Variants in PDE4B observed in about 807,000 individuals in gnomAD.
PDE4B encodes the protein phosphodiesterase 4B.
PDE4B carries 20 observed loss-of-function variants against 82.2 expected under a neutral mutation model. The ratio of observed to expected loss-of-function variants is 0.24; its 90% CI spans 0.17 to 0.35. The LOEUF (loss-of-function observed/expected upper bound fraction) is 0.35, where lower values mean the gene tolerates loss of function less well. Ranked by LOEUF, PDE4B falls within the 10% of genes least tolerant of loss-of-function variation. PDE4B has a pLI of 1.00. For synonymous variants in PDE4B, 320 were observed against 318.9 expected, an observed-to-expected ratio of 1.00 and a Z score of -0.04; for missense variants, 655 against 907.2, an observed-to-expected ratio of 0.72 and a Z score of 3.57.
At chr1:66,103,751 C>G (rs2503162) in intron 3 of PDE4B, among the ~76,000 whole-genome samples, 74,913 of 151,912 alleles carry the variant, frequency 0.49, 19,012 homozygotes, top group East Asian at 0.67. Flanking sequence ...TCTGTTGGAA[C>G]TTCTTGGGCT....
At chr1:65,808,196 G>C (rs1645778544) in intron 1 of PDE4B, among the ~76,000 whole-genome samples, 1 of 142,420 alleles carries the variant, frequency 7.0e-6, no homozygotes, top group East Asian at 2.0e-4. Flanking sequence ...TTTTGAAGCA[G>C]ACTCTTGATC....
At chr1:66,183,998 G>T (rs1242519857) in intron 3 of PDE4B, among the ~76,000 whole-genome samples, 1 of 152,106 alleles carries the variant, frequency 6.6e-6, no homozygotes, top group African/African-American at 2.4e-5. Flanking sequence ...GGAGTCAAGG[G>T]ACCTGCGTGA....
At chr1:66,360,265 T>C (rs1207690476) in intron 9 of PDE4B, among the ~76,000 whole-genome samples, 1 of 152,080 alleles carries the variant, frequency 6.6e-6, no homozygotes, top group Non-Finnish European at 1.5e-5. Flanking sequence ...ACAATACTGA[T>C]ATGTTAGGGA....
At chr1:66,188,891 G>T (rs925115579) in intron 3 of PDE4B, among the ~76,000 whole-genome samples, 47 of 152,218 alleles carry the variant, frequency 3.1e-4, no homozygotes, top group Admixed American at 9.8e-4. Flanking sequence ...TGTTAGCTGG[G>T]TATTTTGCTC....
chr1:66,149,130 A>G (rs756340403), intron 3 of PDE4B, among the ~76,000 whole-genome samples: 3 of 152,300 alleles, frequency 2.0e-5, no homozygotes, highest in Middle Eastern at 6.8e-3. Flanking sequence ...ATCCTTGCCA[A>G]TGCTTTTTAC....
At chr1:65,888,449 T>A (rs1313117313) in intron 1 of PDE4B, among the ~76,000 whole-genome samples, 12 of 152,150 alleles carry the variant, frequency 7.9e-5, no homozygotes, top group Non-Finnish European at 1.6e-4. Flanking sequence ...TGTTAACACA[T>A]GAATTTTAGG....
intron 3 of PDE4B, among the ~76,000 whole-genome samples, chr1:65,950,396 T>A (rs1278467226): frequency 6.6e-6 from 1 of 152,056 alleles, no homozygotes; most frequent in Non-Finnish European, 1.5e-5. Flanking sequence ...AGGATCCCCA[T>A]CTTTACAGTC....
intron 3 of PDE4B, among the ~76,000 whole-genome samples, chr1:66,122,648 A>G (rs1645733883): frequency 1.3e-5 from 2 of 151,240 alleles, no homozygotes; most frequent in Admixed American, 6.6e-5. Context: ...TATTTTATGT[A>G]TAAGGAGTCA....
chr1:65,840,032 A>G (rs1422138466), intron 1 of PDE4B, among the ~76,000 whole-genome samples: 3 of 152,170 alleles, frequency 2.0e-5, no homozygotes, highest in African/African-American at 7.2e-5. Flanking sequence ...TATAAAAAAA[A>G]TAAGCCAAGT....
chr1:66,194,943 C>G (rs1472261086), intron 3 of PDE4B, among the ~76,000 whole-genome samples: 1 of 151,986 alleles, frequency 6.6e-6, no homozygotes, highest in Admixed American at 6.6e-5. Flanking sequence ...CTGTTAAACT[C>G]TATATAATTG....
chr1:66,319,844 T>C (rs1455272880), intron 7 of PDE4B, among the ~76,000 whole-genome samples: 4 of 152,244 alleles, frequency 2.6e-5, no homozygotes, highest in Non-Finnish European at 5.9e-5. Context: ...AGCCATTTTG[T>C]GCATGCTATT....
chr1:66,315,612 C>T (rs546002842), intron 7 of PDE4B, among the ~76,000 whole-genome samples: 5 of 151,996 alleles, frequency 3.3e-5, no homozygotes, highest in Non-Finnish European at 5.9e-5. Context: ...CACGCCACCA[C>T]GCCGGGCTAA....
Position 66,131,645 on chromosome 1 carries a change from C to G in PDE4B, c.282-115815C>G, listed in dbSNP as rs1418044849. ...TATATATATATATATATATTACTAA[C>G]CAGGGAAAGGATGATGATTTAACAT... is the stretch of plus-strand genomic sequence containing the variant. On this transcript the variant is annotated intron_variant, in intron 3 of 16. Coordinates refer to ENST00000341517, the MANE Select transcript of PDE4B (RefSeq NM_002600.4). 7.1e-5 allele frequency among the ~76,000 whole-genome samples: 4 copies of G among 56,320 alleles called. 1 individual carries two copies. Among genetic ancestry groups the G allele is most frequent in the Non-Finnish European group, 7.8e-5 (2 of 25,686 alleles). The allele number at this position is 56,320 out of a possible 152,430, so 36.9% of individuals were successfully genotyped here.
chr1:65,987,560 G>T (rs952605363), intron 3 of PDE4B, among the ~76,000 whole-genome samples: 6 of 152,076 alleles, frequency 3.9e-5, no homozygotes, highest in African/African-American at 1.4e-4. Flanking sequence ...GGAAAGACCT[G>T]GTTTTGAGTA....
chr1:65,865,112 C>T (rs1646496486), intron 1 of PDE4B, among the ~76,000 whole-genome samples: 2 of 152,172 alleles, frequency 1.3e-5, no homozygotes, highest in South Asian at 4.1e-4. Context: ...GCAGTCTGCC[C>T]ACAGCTGCTT....
intron 1 of PDE4B, among the ~76,000 whole-genome samples, chr1:65,832,202 A>C (rs372499708): frequency 6.6e-6 from 1 of 152,290 alleles, no homozygotes; most frequent in East Asian, 1.9e-4. Context: ...TAGGAGGTAA[A>C]ACTTAAGGCT....
intron 3 of PDE4B, among the ~76,000 whole-genome samples, chr1:66,010,174 A>G (rs188136088): frequency 6.3e-4 from 96 of 152,204 alleles, no homozygotes; most frequent in African/African-American, 2.2e-3. Context: ...TTCCAGTTTT[A>G]AGCACTGAGG....
intron 1 of PDE4B, among the ~76,000 whole-genome samples, chr1:65,842,021 G>A (rs1448574897): frequency 6.6e-6 from 1 of 152,080 alleles, no homozygotes; most frequent in South Asian, 2.1e-4. Flanking sequence ...AATCAACTTA[G>A]TCTTTCCCTT....
chr1:65,878,465 A>T (rs1194417638), intron 1 of PDE4B, among the ~76,000 whole-genome samples: 1 of 152,222 alleles, frequency 6.6e-6, no homozygotes, highest in Non-Finnish European at 1.5e-5. Context: ...ACAATTGCAA[A>T]TACTTGGAAC....
Sources: allele counts gnomAD v4.1 joint callset (sites outside exome capture counted in the v4.1 genomes callset), GRCh38; gene constraint gnomAD v4.1.1; transcripts MANE v1.5; gene names NCBI Gene and HGNC (gene_info 2026-07-23, HGNC 2026-07-21).